CNTN5: variants seen among roughly 807,000 people sequenced by gnomAD.
CNTN5 encodes the protein contactin-5.
In CNTN5, 77 loss-of-function variants were observed where a neutral mutation model predicts 129.1. The ratio of observed to expected loss-of-function variants is 0.60; its 90% CI spans 0.50 to 0.72. The LOEUF is 0.72. Among genes scored for constraint, CNTN5 ranks in the 30% least tolerant of loss-of-function variants. The probability of loss-of-function intolerance (pLI) is 0.00; values close to 1 mark genes in which losing one functional copy is unlikely to be tolerated. For missense variants in CNTN5, 1,478 were observed against 1,328.8 expected (o/e 1.11, Z -1.75); for synonymous variants, 509 against 465.6 (o/e 1.09, Z -1.20).
At chr11:99,238,085 A>G (rs1861368684) in intron 1 of CNTN5, among the ~76,000 whole-genome samples, 1 of 152,228 alleles carries the variant, frequency 6.6e-6, no homozygotes, top group South Asian at 2.1e-4. Context: ...TAATTTGTAT[A>G]CAGAAATCAT....
At chr11:100,093,614 T>C (rs1036790993) in intron 13 of CNTN5, among the ~76,000 whole-genome samples, 2 of 152,060 alleles carry the variant, frequency 1.3e-5, no homozygotes, top group South Asian at 4.1e-4. Flanking sequence ...TGATGTCTTT[T>C]TGAAAATATA....
chr11:99,384,299 T>C (rs1377205092), intron 2 of CNTN5, among the ~76,000 whole-genome samples: 1 of 152,224 alleles, frequency 6.6e-6, no homozygotes, highest in African/African-American at 2.4e-5. Flanking sequence ...CTTGGTGGCA[T>C]CCTTCACTTT....
chr11:99,627,673 A>G (rs1185644211), intron 3 of CNTN5, among the ~76,000 whole-genome samples: 2 of 152,012 alleles, frequency 1.3e-5, no homozygotes, highest in Non-Finnish European at 2.9e-5. Context: ...AGGTGGCATT[A>G]ATTACCAAGC....
At chr11:100,254,045 A>G (rs1950021496) in intron 16 of CNTN5, among the ~76,000 whole-genome samples, 1 of 152,070 alleles carries the variant, frequency 6.6e-6, no homozygotes, top group Non-Finnish European at 1.5e-5. Context: ...GTCATATTTG[A>G]TGATAAACAA....
At chr11:99,857,749 T>A (rs1034068577) in intron 6 of CNTN5, among the ~76,000 whole-genome samples, 2 of 152,094 alleles carry the variant, frequency 1.3e-5, no homozygotes, top group African/African-American at 4.8e-5. Flanking sequence ...AAAAACTGAT[T>A]TTAGATGTGA....
At chr11:99,028,335 G>A (rs572380083) in intron 1 of CNTN5, among the ~76,000 whole-genome samples, 64 of 151,768 alleles carry the variant, frequency 4.2e-4, no homozygotes, top group Non-Finnish European at 8.1e-4. Flanking sequence ...GCAGTACAAA[G>A]GAAGAATATA....
intron 3 of CNTN5, among the ~76,000 whole-genome samples, chr11:99,812,101 C>G (rs1427457076): frequency 6.6e-6 from 1 of 152,082 alleles, no homozygotes; most frequent in Non-Finnish European, 1.5e-5. Context: ...ACACTGAGTT[C>G]TTCCTTTCAA....
At chr11:99,147,809 TG>T (rs1426678282) in intron 1 of CNTN5, among the ~76,000 whole-genome samples, 1 of 152,178 alleles carries the variant, frequency 6.6e-6, no homozygotes, top group African/African-American at 2.4e-5. Flanking sequence ...AGACCTATTG[TG>T]TCATTTATTT....
intron 8 of CNTN5, among the ~76,000 whole-genome samples, chr11:99,974,339 A>G (rs1365534217): frequency 6.6e-6 from 1 of 152,210 alleles, no homozygotes; most frequent in Non-Finnish European, 1.5e-5. Flanking sequence ...ACAAGGTCAT[A>G]GTTGGTGAGA....
intron 3 of CNTN5, among the ~76,000 whole-genome samples, chr11:99,810,548 A>G (rs1012385760): frequency 6.6e-6 from 1 of 152,168 alleles, no homozygotes; most frequent in African/African-American, 2.4e-5. Context: ...GAAAGTGCTG[A>G]GTTGAGACAT....
At chr11:100,207,913 G>A (rs1948949115) in intron 15 of CNTN5, among the ~76,000 whole-genome samples, 1 of 152,130 alleles carries the variant, frequency 6.6e-6, no homozygotes, top group African/African-American at 2.4e-5. Context: ...TCAGGCAGGA[G>A]AATTTAAAGT....
chr11:99,369,357 TC>T (rs1939689586), intron 2 of CNTN5, among the ~76,000 whole-genome samples: 4 of 151,094 alleles, frequency 2.6e-5, no homozygotes. Context: ...GTTAAGGCCA[TC>T]TTGGTCACAG....
chr11:100,034,155 G>A (rs1301384232), intron 9 of CNTN5, among the ~76,000 whole-genome samples: 3 of 152,126 alleles, frequency 2.0e-5, no homozygotes, highest in Admixed American at 6.5e-5. Flanking sequence ...TCACTCTCAA[G>A]TTTTTAACTT....
rs1035488292 is a variant in CNTN5 at position 99,830,137 on chromosome 11, T to C, written c.277+10372T>C. Among the ~76,000 whole-genome samples the C allele has an allele frequency of 2.0e-5, 3 of 152,208 alleles. 1 individual carries two copies. In the South Asian group the frequency reaches 6.2e-4, roughly 32 times the overall value. ...AAACTTTTTTCGGGGGCGGGGAGCA[T>C]GTTCTTCTGTTTGTCCTGATTCAGA... On this transcript the variant is annotated intron_variant, in intron 4 of 24. Coordinates refer to ENST00000524871, the MANE Select transcript of CNTN5 (RefSeq NM_014361.4).
intron 8 of CNTN5, among the ~76,000 whole-genome samples, chr11:99,987,409 T>C (rs975905228): frequency 6.6e-6 from 1 of 151,732 alleles, no homozygotes; most frequent in Non-Finnish European, 1.5e-5. Flanking sequence ...TCTTTATATA[T>C]ATACACACAC....
chr11:99,325,128 T>C (rs1865729227), intron 1 of CNTN5, among the ~76,000 whole-genome samples: 1 of 152,066 alleles, frequency 6.6e-6, no homozygotes, highest in East Asian at 1.9e-4. Flanking sequence ...TATTATTAAA[T>C]ATAAATTATA....
intron 6 of CNTN5, among the ~76,000 whole-genome samples, chr11:99,905,809 A>AG (rs1949487760): frequency 6.6e-6 from 1 of 152,012 alleles, no homozygotes. Flanking sequence ...GTCCTCTGTT[A>AG]TTTCCTTGAG....
chr11:100,244,038 C>G (rs1402831934), intron 16 of CNTN5, among the ~76,000 whole-genome samples: 1 of 151,918 alleles, frequency 6.6e-6, no homozygotes, highest in Non-Finnish European at 1.5e-5. Flanking sequence ...TTTATTAAGC[C>G]TAATGTCTCA....
chr11:99,289,585 C>T (rs1049980346), intron 1 of CNTN5, among the ~76,000 whole-genome samples: 1 of 151,598 alleles, frequency 6.6e-6, no homozygotes, highest in African/African-American at 2.4e-5. Flanking sequence ...TTTATGTATT[C>T]AATCTACTCC....
Sources: allele counts gnomAD v4.1 joint callset (sites outside exome capture counted in the v4.1 genomes callset), GRCh38; gene constraint gnomAD v4.1.1; transcripts MANE v1.5; gene names NCBI Gene and HGNC (gene_info 2026-07-23, HGNC 2026-07-21).